The following PCDH15 variants were observed in gnomAD, a reference collection of about 807,000 sequenced individuals.
PCDH15 encodes protocadherin related 15, also known as protocadherin-15.
Under a neutral mutation model 178.5 loss-of-function variants are expected in PCDH15, and 129 were observed. That is an observed-to-expected ratio of 0.72 (90% CI 0.63 to 0.84). PCDH15 has a LOEUF of 0.84. Ranked by LOEUF, PCDH15 falls within the 40% of genes least tolerant of loss-of-function variation. The pLI is 0.00. For missense variants in PCDH15, 2,230 were observed against 2,099.9 expected (o/e 1.06, Z -1.21); for synonymous variants, 800 against 732.0 (o/e 1.09, Z -1.50).
At chr10:55,308,850 A>T (rs2132286326) in intron 1 of PCDH15, among the ~76,000 whole-genome samples, 1 of 152,324 alleles carries the variant, frequency 6.6e-6, no homozygotes, top group African/African-American at 2.4e-5. Flanking sequence ...GAATTATAAC[A>T]CAGTTTCAAA....
intron 14 of PCDH15, among the ~76,000 whole-genome samples, chr10:54,135,492 C>G (rs1009823663): frequency 6.6e-6 from 1 of 152,116 alleles, no homozygotes; most frequent in Non-Finnish European, 1.5e-5. Flanking sequence ...TTCCCACTTC[C>G]GTGTTGTGAG....
chr10:54,596,723 C>A (rs1345290772), intron 2 of PCDH15, among the ~76,000 whole-genome samples: 1 of 151,884 alleles, frequency 6.6e-6, no homozygotes, highest in African/African-American at 2.4e-5. Flanking sequence ...TGCAGTGATG[C>A]CCACAGAATC....
intron 1 of PCDH15, among the ~76,000 whole-genome samples, chr10:55,198,607 C>A (rs1245245880): frequency 6.6e-6 from 1 of 152,060 alleles, no homozygotes; most frequent in Non-Finnish European, 1.5e-5. Context: ...CTGCCTCAGC[C>A]TCCCGAATAG....
At chr10:55,052,582 T>C (rs796809660) in intron 2 of PCDH15, among the ~76,000 whole-genome samples, 3 of 131,180 alleles carry the variant, frequency 2.3e-5, no homozygotes, top group Admixed American at 7.7e-5. Context: ...CATGGTGGTG[T>C]GTGCCTGTAG....
At chr10:54,984,002 G>A (rs1017539016) in intron 2 of PCDH15, among the ~76,000 whole-genome samples, 29 of 152,144 alleles carry the variant, frequency 1.9e-4, no homozygotes, top group Non-Finnish European at 7.4e-5. Flanking sequence ...AAATGAGGAG[G>A]AGGCACCTAG....
At chr10:54,148,495 G>A (rs2044203376) in intron 14 of PCDH15, among the ~76,000 whole-genome samples, 1 of 151,982 alleles carries the variant, frequency 6.6e-6, no homozygotes, top group Admixed American at 6.6e-5. Flanking sequence ...AAAAAAGTCT[G>A]CGCATGTTCA....
chr10:55,319,181 A>G (rs1428932066), intron 1 of PCDH15, among the ~76,000 whole-genome samples: 1 of 152,304 alleles, frequency 6.6e-6, no homozygotes, highest in African/African-American at 2.4e-5. Context: ...AACAGTCTCA[A>G]AAGACACAAG....
At chr10:55,534,227 G>T (rs1256381804) in intron 2 of PCDH15, among the ~76,000 whole-genome samples, 1 of 151,940 alleles carries the variant, frequency 6.6e-6, no homozygotes, top group Non-Finnish European at 1.5e-5. Context: ...ATTGATGAGT[G>T]GGACCTAATT....
At chr10:54,384,636 A>G (rs1949702174) in intron 3 of PCDH15, among the ~76,000 whole-genome samples, 1 of 152,098 alleles carries the variant, frequency 6.6e-6, no homozygotes. Context: ...TTAATTATTA[A>G]AGATTGCATA....
At chr10:55,000,209 C>A (rs1839767299) in intron 2 of PCDH15, among the ~76,000 whole-genome samples, 1 of 152,156 alleles carries the variant, frequency 6.6e-6, no homozygotes, top group Non-Finnish European at 1.5e-5. Context: ...CTTATTTCAT[C>A]CCTACAGCTT....
intron 2 of PCDH15, chr10:55,575,656 G>A (rs1842482074): frequency 6.6e-6 from 1 of 152,114 alleles, no homozygotes; most frequent in African/African-American, 2.4e-5. Flanking sequence ...TTACTATTTA[G>A]TTGTCAAATG....
intron 2 of PCDH15, among the ~76,000 whole-genome samples, chr10:55,094,049 C>G (rs911236434): frequency 6.6e-6 from 1 of 152,040 alleles, no homozygotes; most frequent in African/African-American, 2.4e-5. Flanking sequence ...TGGGTATATA[C>G]CCAAAAGATT....
chr10:54,287,470 T>A (rs2059102460), intron 8 of PCDH15, among the ~76,000 whole-genome samples: 1 of 152,158 alleles, frequency 6.6e-6, no homozygotes, highest in Non-Finnish European at 1.5e-5. Flanking sequence ...GTACCTAATT[T>A]CTCTGTTACT....
intron 1 of PCDH15, among the ~76,000 whole-genome samples, chr10:55,227,528 C>T (rs1292159982): frequency 2.7e-5 from 4 of 148,574 alleles, no homozygotes; most frequent in Admixed American, 2.0e-4. Context: ...AGTAATAGAG[C>T]AGAAGGATGC....
chr10:55,199,426 T>G (rs543173257), intron 1 of PCDH15, among the ~76,000 whole-genome samples: 27 of 152,010 alleles, frequency 1.8e-4, no homozygotes, highest in Non-Finnish European at 3.1e-4. Flanking sequence ...GCCTGGTTGC[T>G]TATAAAAGCC....
intron 2 of PCDH15, among the ~76,000 whole-genome samples, chr10:55,053,145 AC>A (rs1342182185): frequency 6.6e-6 from 1 of 152,144 alleles, no homozygotes; most frequent in Admixed American, 6.5e-5. Flanking sequence ...AAAGTCTATA[AC>A]CTACAAGATT....
At chr10:54,028,605 G>T (rs2093191863) in intron 18 of PCDH15, among the ~76,000 whole-genome samples, 1 of 148,382 alleles carries the variant, frequency 6.7e-6, no homozygotes, top group Non-Finnish European at 1.5e-5. Flanking sequence ...ATACTATGCA[G>T]CCATAAAAAA....
intron 20 of PCDH15, among the ~76,000 whole-genome samples, chr10:54,005,112 T>A (rs1041015141): frequency 2.0e-5 from 3 of 152,080 alleles, no homozygotes; most frequent in African/African-American, 4.8e-5. Context: ...GATATCCATA[T>A]GCAAAAGAAG....
In PCDH15 at chr10:53,995,840, G is replaced by C. The variant is rs2253647; in HGVS notation, c.2752-75C>G. On this transcript the variant is annotated intron_variant, in intron 20 of 37. Transcript: ENST00000644397. The stretch of plus-strand genomic sequence containing the variant: ...GATACAGTTACTAGATTGACTCCCA[G>C]TCTTCATATCACACAACTTATTTAC... 60,377 of 1,273,950 alleles carry C rather than the reference G, an allele frequency of 0.047. 2,368 individuals are homozygous for C. Among genetic ancestry groups the C allele is most frequent in the African/African-American group, 0.16 (11,239 of 68,492 alleles). The allele number at this position is 1,273,950 out of a possible 1,614,324, so 78.9% of individuals were successfully genotyped here. A position where few individuals can be genotyped will look rare whatever the true frequency, so the allele number is the denominator to read the frequency against.
Sources: allele counts gnomAD v4.1 joint callset (sites outside exome capture counted in the v4.1 genomes callset), GRCh38; gene constraint gnomAD v4.1.1; transcripts MANE v1.5; gene names NCBI Gene and HGNC (gene_info 2026-07-23, HGNC 2026-07-21).